Variants in ORC1 observed in about 807,000 individuals in gnomAD.
ORC1 encodes origin recognition complex, subunit 1 homolog.
Under a neutral mutation model 98.9 loss-of-function variants are expected in ORC1, and 61 were observed. That is an observed-to-expected ratio of 0.62 (90% CI 0.50 to 0.76). The LOEUF (loss-of-function observed/expected upper bound fraction) is 0.76, where lower values mean the gene tolerates loss of function less well. Among genes scored for constraint, ORC1 ranks in the 30% least tolerant of loss-of-function variants. ORC1 has a pLI of 0.00. For missense variants in ORC1, 979 were observed against 1,072.2 expected, an observed-to-expected ratio of 0.91 and a Z score of 1.21; for synonymous variants, 385 against 406.9, an observed-to-expected ratio of 0.95 and a Z score of 0.65.
In ORC1 at chr1:52,385,717, C is replaced by T. The variant is rs1647133078; in HGVS notation, c.1481+135G>A. ...TTTTTCTAAACATACACTCACTTTA[C>T]CTAGATAGGTAAAAGTATAGACACA... On this transcript the variant is annotated intron_variant, in intron 9 of 16. Transcript: ENST00000371568. 5.5e-6 allele frequency: 4 copies of T among 732,512 alleles called. No homozygotes were observed. In the South Asian group the frequency reaches 6.0e-5, roughly 11 times the overall value. The allele number at this position is 732,512 out of a possible 1,614,324, so 45.4% of individuals were successfully genotyped here.
chr1:52,408,080 A>G (rs1258110143), upstream of ORC1, among the ~76,000 whole-genome samples: 3 of 151,110 alleles, frequency 2.0e-5, no homozygotes, highest in East Asian at 5.8e-4. Flanking sequence ...TACATAAATA[A>G]AAATACAAAA....
At chr1:52,390,784 C>A (rs1331161306) in intron 6 of ORC1, among the ~76,000 whole-genome samples, 2 of 151,238 alleles carry the variant, frequency 1.3e-5, no homozygotes, top group African/African-American at 4.9e-5. Context: ...CTCAGCTACT[C>A]GGGAGGCTGA....
At chr1:52,393,381 C>G in intron 6 of ORC1, 62 bp downstream of exon 6, 1 of 1,605,686 alleles carries the variant, frequency 6.2e-7, no homozygotes, top group Non-Finnish European at 8.5e-7. Flanking sequence ...TTGACTATGA[C>G]TCACATACTT....
chr1:52,377,490 G>T (rs1313198540), intron 14 of ORC1, among the ~76,000 whole-genome samples: 2 of 151,808 alleles, frequency 1.3e-5, no homozygotes, highest in Non-Finnish European at 2.9e-5. Context: ...GCCCAGGCTG[G>T]TCTCAAACTC....
intron 14 of ORC1, among the ~76,000 whole-genome samples, chr1:52,376,889 C>CTGT (rs1647001770): frequency 6.6e-6 from 1 of 152,168 alleles, no homozygotes; most frequent in Non-Finnish European, 1.5e-5. Flanking sequence ...CTGCAGGCAC[C>CTGT]TGAAACTTGA....
In ORC1 at chr1:52,372,903, C is replaced by T; in HGVS notation, c.*278G>A. ...CATTTCCATTCAATATACTTTGTTA[C>T]AACAATTCCATGTACTTCCAAAATC... On this transcript the variant is annotated 3_prime_UTR_variant, in exon 17 of 17. Transcript: ENST00000371568. 1 of 425,440 alleles carries T rather than the reference C, an allele frequency of 2.4e-6. No individual in the cohort carries two copies. Among genetic ancestry groups the T allele is most frequent in the Admixed American group, 3.6e-5 (1 of 27,798 alleles). 26.4% of individuals were successfully genotyped at this position (425,440 alleles called of 1,614,324 possible). A position where few individuals can be genotyped will look rare whatever the true frequency, so the allele number is the denominator to read the frequency against.
At chr1:52,379,077 C>A (rs982203566) in intron 14 of ORC1, among the ~76,000 whole-genome samples, 7 of 151,820 alleles carry the variant, frequency 4.6e-5, no homozygotes, top group Non-Finnish European at 1.0e-4. Context: ...GTTAGAAAGA[C>A]ATGGAAGAGT....
upstream of ORC1, chr1:52,405,018 C>T (rs941751583): frequency 2.0e-5 from 18 of 912,594 alleles, no homozygotes; most frequent in African/African-American, 1.0e-4. Flanking sequence ...ATTTTGAGTG[C>T]CTGCTAAGTG....
At chr1:52,391,699 G>C (rs556094504) in intron 6 of ORC1, among the ~76,000 whole-genome samples, 1 of 152,268 alleles carries the variant, frequency 6.6e-6, no homozygotes, top group South Asian at 2.1e-4. Flanking sequence ...AGGAGTTCGA[G>C]ACTAGCCTAG....
In ORC1 at chr1:52,397,816, G is replaced by C; in HGVS notation, c.271C>G (p.Arg91Gly). The change falls in exon 4 of 17, where the codon CGA (arginine) becomes GGA (glycine). Residue 91 changes from arginine (R) to glycine (G), a missense_variant. Transcript: ENST00000371568. ...TTACAGGCAGGGACTTCACAGAATC[G>C]GACAAACCACTGTACTCGAGCACGT... The part of the protein sequence containing the change: ...KKRARVQWFV[R>G]FCEVPACKRH... 2 of 1,614,184 alleles carry C rather than the reference G, an allele frequency of 1.2e-6. No individual in the cohort carries two copies. Among genetic ancestry groups the C allele is most frequent in the Non-Finnish European group, 1.7e-6 (2 of 1,180,036 alleles).
chr1:52,406,836 C>T (rs1648010796), upstream of ORC1, among the ~76,000 whole-genome samples: 1 of 152,134 alleles, frequency 6.6e-6, no homozygotes, highest in South Asian at 2.1e-4. Context: ...GAAACTGAGG[C>T]ACAGAGATTA....
chr1:52,375,871 G>A (rs1027223451), intron 14 of ORC1, among the ~76,000 whole-genome samples: 2 of 152,190 alleles, frequency 1.3e-5, no homozygotes, highest in African/African-American at 4.8e-5. Context: ...AATCAGAGAC[G>A]CTTGGTTCAA....
chr1:52,386,108 A>C (rs1008750277), intron 8 of ORC1, among the ~76,000 whole-genome samples, 159 bp from the exon 9 acceptor site: 1 of 152,130 alleles, frequency 6.6e-6, no homozygotes, highest in African/African-American at 2.4e-5. Flanking sequence ...TCCCTCTCTC[A>C]CCTCACATTG....
chr1:52,391,876 C>T (rs1647218493), intron 6 of ORC1, among the ~76,000 whole-genome samples: 1 of 140,180 alleles, frequency 7.1e-6, no homozygotes, highest in Non-Finnish European at 1.5e-5. Flanking sequence ...CTAGCCTGGG[C>T]AACAGAGCAA....
chr1:52,396,997 G>A (rs1039754082), intron 4 of ORC1, among the ~76,000 whole-genome samples: 10 of 152,166 alleles, frequency 6.6e-5, no homozygotes, highest in Non-Finnish European at 1.5e-4. Context: ...TCCAAGCCCT[G>A]TGCCTCTCCG....
intron 6 of ORC1, among the ~76,000 whole-genome samples, chr1:52,392,334 T>C (rs1647231552): frequency 6.6e-6 from 1 of 152,100 alleles, no homozygotes; most frequent in African/African-American, 2.4e-5. Context: ...TTCACTGTGT[T>C]AGCCAGGATG....
At chr1:52,378,161 A>G (rs1647018314) in intron 14 of ORC1, among the ~76,000 whole-genome samples, 1 of 152,158 alleles carries the variant, frequency 6.6e-6, no homozygotes, top group African/African-American at 2.4e-5. Flanking sequence ...CCTGGCTAAC[A>G]TGGTGAAACC....
At chr1:52,402,347 T>C in intron 1 of ORC1, 119 bp from the exon 2 acceptor site, 1 of 750,478 alleles carries the variant, frequency 1.3e-6, no homozygotes, top group Non-Finnish European at 2.4e-6. Context: ...CTGCCCCTGC[T>C]ACACTCCCAT....
At chr1:52,405,744 A>G, upstream of ORC1, 1 of 1,614,170 alleles carries the variant, frequency 6.2e-7, no homozygotes, top group East Asian at 2.2e-5. Context: ...GTGGCAACAT[A>G]AAACCAACAC....
Sources: gnomAD v4.1 joint callset for allele counts (sites outside exome capture counted in the v4.1 genomes callset) on GRCh38, gnomAD v4.1.1 for gene constraint, MANE v1.5 for transcripts, NCBI Gene and HGNC (gene_info 2026-07-23, HGNC 2026-07-21) for gene names.